Variants in NAV2 observed in about 807,000 individuals in gnomAD.
NAV2 encodes neuron navigator 2.
Under a neutral mutation model 223.2 loss-of-function variants are expected in NAV2, and 54 were observed. The ratio of observed to expected loss-of-function variants is 0.24; its 90% CI spans 0.19 to 0.30. NAV2 has a LOEUF of 0.30. NAV2 is among the 10% of genes least tolerant of loss of function. The pLI is 1.00. For missense variants in NAV2, 2,806 were observed against 3,147.5 expected, an observed-to-expected ratio of 0.89 and a Z score of 2.60; for synonymous variants, 1,279 against 1,239.3, an observed-to-expected ratio of 1.03 and a Z score of -0.67.
At chr11:19,606,977 T>C (rs1440087065) in intron 1 of NAV2, among the ~76,000 whole-genome samples, 1 of 152,176 alleles carries the variant, frequency 6.6e-6, no homozygotes, top group Non-Finnish European at 1.5e-5. Flanking sequence ...AAGTTGGAGA[T>C]GCATTGCTCC....
intron 1 of NAV2, among the ~76,000 whole-genome samples, chr11:19,824,429 T>TGGGG (rs2059546706): frequency 2.0e-5 from 3 of 152,308 alleles, no homozygotes; most frequent in African/African-American, 7.2e-5. Flanking sequence ...GTTGGGCATG[T>TGGGG]GGGGCACTGC....
rs1452293545 is a variant in NAV2 at position 19,713,037 on chromosome 11, G to A, written c.-659G>A. On this transcript the variant is annotated 5_prime_UTR_variant, in exon 1 of 38. Coordinates refer to ENST00000349880, the MANE Select transcript of NAV2 (RefSeq NM_145117.5). The surrounding 1 kb of genome is among the most constrained non-coding windows in gnomAD (Gnocchi z 7.2). ...GTGCTCTCAGTCCGGGGGCCTTCTG[G>A]GCAGCGGTGACTGTCACCCCAAGAG... Among the ~76,000 whole-genome samples, 1 of 152,160 alleles carries A rather than the reference G, an allele frequency of 6.6e-6. No homozygotes were observed. The highest frequency in any genetic ancestry group is 1.9e-4 in the East Asian group (1 of 5,168).
intron 1 of NAV2, among the ~76,000 whole-genome samples, chr11:19,755,020 A>C (rs575912742): frequency 2.2e-4 from 34 of 152,234 alleles, no homozygotes; most frequent in Non-Finnish European, 3.4e-4. Flanking sequence ...CTACAGATCC[A>C]TTGTGTTAAT....
chr11:19,928,737 G>T (rs2045025617), intron 6 of NAV2, among the ~76,000 whole-genome samples: 1 of 152,196 alleles, frequency 6.6e-6, no homozygotes, highest in Non-Finnish European at 1.5e-5. Context: ...TTGAATAGAA[G>T]CAAGGCTAAA....
intron 12 of NAV2, among the ~76,000 whole-genome samples, chr11:20,039,433 C>G (rs999692832): frequency 1.3e-5 from 2 of 152,238 alleles, no homozygotes; most frequent in South Asian, 2.1e-4. Flanking sequence ...CTCTCCCTCC[C>G]TTCCTCCCTC....
At chr11:19,515,421 T>C (rs2043414703) in intron 1 of NAV2, among the ~76,000 whole-genome samples, 1 of 152,238 alleles carries the variant, frequency 6.6e-6, no homozygotes, top group African/African-American at 2.4e-5. Context: ...TGTCTTTTAC[T>C]TTTCCATCAT....
intron 1 of NAV2, among the ~76,000 whole-genome samples, chr11:19,605,801 A>T (rs1421589970): frequency 6.6e-6 from 1 of 152,066 alleles, no homozygotes; most frequent in African/African-American, 2.4e-5. Flanking sequence ...CAGATTTGGG[A>T]TTTGGAAGGT....
intron 10 of NAV2, among the ~76,000 whole-genome samples, chr11:19,964,467 T>C (rs2048586852): frequency 6.6e-6 from 1 of 150,916 alleles, no homozygotes; most frequent in African/African-American, 2.4e-5. Flanking sequence ...CACTGTGCTT[T>C]ATATACATTA....
At chr11:20,035,625 C>G (rs534254537) in intron 11 of NAV2, among the ~76,000 whole-genome samples, 6 of 152,312 alleles carry the variant, frequency 3.9e-5, no homozygotes, top group Admixed American at 2.6e-4. Flanking sequence ...TGCCCCTACT[C>G]TGCCACTAGG....
intron 1 of NAV2, among the ~76,000 whole-genome samples, chr11:19,757,113 C>A (rs2054298764): frequency 6.6e-6 from 1 of 152,130 alleles, no homozygotes; most frequent in South Asian, 2.1e-4. Context: ...CACTTCAGCG[C>A]CCTGCTCTGA....
intron 1 of NAV2, among the ~76,000 whole-genome samples, chr11:19,370,851 A>G (rs576528170): frequency 6.6e-6 from 1 of 152,340 alleles, no homozygotes; most frequent in Non-Finnish European, 1.5e-5. Context: ...CTTGTGTAAC[A>G]GCAGCCAGCT....
intron 10 of NAV2, among the ~76,000 whole-genome samples, chr11:19,951,322 G>A (rs1244962221): frequency 1.3e-5 from 2 of 152,112 alleles, no homozygotes; most frequent in African/African-American, 4.8e-5. Flanking sequence ...TCTGCTGCCT[G>A]GAATGGCTGG....
At position 19,996,810 on chromosome 11, in the gene NAV2, T is replaced by C. The variant is rs186586646; in HGVS notation, c.2768+12563T>C. Among the ~76,000 whole-genome samples, 3 of 152,318 alleles carry C rather than the reference T, an allele frequency of 2.0e-5. No individual in the cohort carries two copies. In the East Asian group the frequency reaches 5.8e-4, roughly 29 times the overall value. On this transcript the variant is annotated intron_variant, in intron 11 of 37. Coordinates refer to ENST00000349880, the MANE Select transcript of NAV2 (RefSeq NM_145117.5). ...CTCATTAATCTGTGGCGCTCAGTAC[T>C]GTAAAATTGCCTGAAACGAGATCTG...
chr11:19,508,555 A>G (rs1335850311), intron 1 of NAV2, among the ~76,000 whole-genome samples: 3 of 151,944 alleles, frequency 2.0e-5, no homozygotes, highest in Non-Finnish European at 4.4e-5. Flanking sequence ...GCGAGTTCCT[A>G]ATCACCTTTC....
intron 1 of NAV2, among the ~76,000 whole-genome samples, chr11:19,622,748 C>A (rs923701760): frequency 6.6e-6 from 1 of 152,176 alleles, no homozygotes; most frequent in African/African-American, 2.4e-5. Context: ...TTAATTGGAG[C>A]ATTTAGCCCA....
At chr11:19,897,903 T>TATATATATATATATATATATATATATAC (rs927166131) in intron 6 of NAV2, among the ~76,000 whole-genome samples, 4 of 147,522 alleles carry the variant, frequency 2.7e-5, no homozygotes, top group African/African-American at 1.0e-4. Context: ...TATATATATA[T>TATATATATATATATATATATATATATAC]ATGTGAGCAG....
chr11:19,766,590 G>T (rs1442101027), intron 1 of NAV2, among the ~76,000 whole-genome samples: 1 of 152,196 alleles, frequency 6.6e-6, no homozygotes, highest in African/African-American at 2.4e-5. Context: ...CCAAGTTGGT[G>T]TGGATGGGGG....
intron 11 of NAV2, among the ~76,000 whole-genome samples, chr11:20,013,828 C>T (rs963569663): frequency 2.6e-5 from 4 of 152,134 alleles, no homozygotes; most frequent in Non-Finnish European, 4.4e-5. Context: ...TATAGTTTTA[C>T]AAAACATTCA....
chr11:19,933,068 C>A lies in NAV2; in HGVS notation c.932-108C>A. 1 of 1,318,654 alleles carries A rather than the reference C, an allele frequency of 7.6e-7. No homozygotes were observed. The highest frequency in any genetic ancestry group is 1.0e-6 in the Non-Finnish European group (1 of 992,790). The allele number at this position is 1,318,654 out of a possible 1,614,324, so 81.7% of individuals were successfully genotyped here. A position where few individuals can be genotyped will look rare whatever the true frequency, so the allele number is the denominator to read the frequency against. ...CCACAAAGTGGGCAATGGAGCTATA[C>A]GGCATTTGGGTTGGGAGTGATTGGT... On this transcript the variant is annotated intron_variant, in intron 6 of 37. Coordinates refer to ENST00000349880, the MANE Select transcript of NAV2 (RefSeq NM_145117.5). The surrounding 1 kb of genome is among the most constrained non-coding windows in gnomAD (Gnocchi z 4.3).
Sources: allele counts gnomAD v4.1 joint callset (sites outside exome capture counted in the v4.1 genomes callset), GRCh38; gene constraint gnomAD v4.1.1; non-coding constraint Gnocchi (gnomAD v3.1); transcripts MANE v1.5; gene names NCBI Gene and HGNC (gene_info 2026-07-23, HGNC 2026-07-21).